ZDHHC15: variants seen among roughly 807,000 people sequenced by gnomAD.
ZDHHC15 encodes the protein palmitoyltransferase ZDHHC15.
In ZDHHC15, 19 loss-of-function variants were observed where a neutral mutation model predicts 31.7. That is an observed-to-expected ratio of 0.60 (90% CI 0.42 to 0.88). ZDHHC15 has a LOEUF of 0.88. Ranked by LOEUF, ZDHHC15 falls within the 40% of genes least tolerant of loss-of-function variation. ZDHHC15 has a pLI of 0.00. For synonymous variants in ZDHHC15, 103 were observed against 90.0 expected, an observed-to-expected ratio of 1.14 and a Z score of -0.82; for missense variants, 209 against 251.2, an observed-to-expected ratio of 0.83 and a Z score of 1.14.
chrX:75,500,529 T>C (rs1045678307), intron 2 of ZDHHC15, among the ~76,000 whole-genome samples: 2 of 109,310 alleles, frequency 1.8e-5, no homozygotes, highest in Non-Finnish European at 3.8e-5. Flanking sequence ...CAAATACAAA[T>C]AAAACTAAAT....
chrX:75,386,587 C>T (rs1434942320), intron 10 of ZDHHC15, among the ~76,000 whole-genome samples: 2 of 110,744 alleles, frequency 1.8e-5, no homozygotes, highest in Non-Finnish European at 3.8e-5. Flanking sequence ...GATCCTCCCA[C>T]CTCTCAGCCT....
At chrX:75,489,922 C>A (rs1007078619) in intron 2 of ZDHHC15, among the ~76,000 whole-genome samples, 4 of 112,084 alleles carry the variant, frequency 3.6e-5, no homozygotes, top group African/African-American at 6.5e-5. Flanking sequence ...AAAAACAAGG[C>A]ACAAGAACTA....
intron 2 of ZDHHC15, among the ~76,000 whole-genome samples, chrX:75,500,231 T>C: frequency 9.2e-6 from 1 of 108,997 alleles, no homozygotes; most frequent in East Asian, 2.9e-4. Flanking sequence ...TACTTATCCA[T>C]GTAATCAAAC....
intron 3 of ZDHHC15, among the ~76,000 whole-genome samples, chrX:75,454,563 A>G (rs1342582306): frequency 1.8e-5 from 2 of 111,380 alleles, no homozygotes; most frequent in East Asian, 5.7e-4. Context: ...GTGTAAAAGC[A>G]TTCCTATTTC....
chrX:75,440,307 T>G (rs768953055), intron 4 of ZDHHC15, among the ~76,000 whole-genome samples: 1 of 109,518 alleles, frequency 9.1e-6, no homozygotes, highest in Admixed American at 9.8e-5. Context: ...GGAGATGGAG[T>G]CTTGCTCTGT....
intron 4 of ZDHHC15, among the ~76,000 whole-genome samples, chrX:75,450,412 T>A (rs951893142): frequency 1.8e-5 from 2 of 111,755 alleles, no homozygotes; most frequent in Non-Finnish European, 3.8e-5. Context: ...TTATGCATGT[T>A]TTTGTATGTA....
At chrX:75,482,578 C>T (rs1042662201) in intron 2 of ZDHHC15, among the ~76,000 whole-genome samples, 2 of 111,547 alleles carry the variant, frequency 1.8e-5, no homozygotes, top group African/African-American at 6.5e-5. Flanking sequence ...GTTAGATTAT[C>T]AGTCTATACC....
At chrX:75,497,730 C>T (rs1319154998) in intron 2 of ZDHHC15, among the ~76,000 whole-genome samples, 1 of 111,013 alleles carries the variant, frequency 9.0e-6, no homozygotes, top group African/African-American at 3.3e-5. Context: ...AATAATAATA[C>T]GATTATCTCA....
chrX:75,424,777 A>G lies in ZDHHC15; in HGVS notation c.611T>C (p.Leu204Ser), dbSNP rs2147852797. ...SYFIKYWRGELPSVRSKFHVL... is the reference protein window; with the variant it reads ...SYFIKYWRGESPSVRSKFHVL... The stretch of plus-strand genomic sequence containing the variant: ...ATGGAACTTAGAGCGAACACTGGGT[A>G]ATTCCCCCTAGAAAAGAAATAATAA... The change falls in exon 8 of 12, where the codon TTA becomes TCA. Residue 204 changes from leucine (L) to serine (S), a missense_variant. Coordinates refer to ENST00000373367, the MANE Select transcript of ZDHHC15 (RefSeq NM_144969.3). The G allele has an allele frequency of 8.4e-7, 1 of 1,186,663 alleles. No homozygotes were observed. The highest frequency in any genetic ancestry group is 1.1e-6 in the Non-Finnish European group (1 of 885,897).
intron 3 of ZDHHC15, among the ~76,000 whole-genome samples, chrX:75,476,976 T>C (rs1167359646): frequency 9.0e-6 from 1 of 111,325 alleles, no homozygotes; most frequent in Non-Finnish European, 1.9e-5. Flanking sequence ...AGTCAGACTA[T>C]TTTGAAATTT....
At chrX:75,480,442 T>A (rs2084671627) in intron 2 of ZDHHC15, among the ~76,000 whole-genome samples, 1 of 111,322 alleles carries the variant, frequency 9.0e-6, no homozygotes, top group African/African-American at 3.3e-5. Context: ...TTAACATTTT[T>A]AATTGTATCT....
intron 3 of ZDHHC15, among the ~76,000 whole-genome samples, chrX:75,467,427 C>T (rs1299617398): frequency 2.7e-5 from 3 of 111,894 alleles, no homozygotes; most frequent in Non-Finnish European, 5.6e-5. Context: ...AATTCTGGCA[C>T]TAACAAGCCT....
chrX:75,465,731 T>A (rs2084393049), intron 3 of ZDHHC15, among the ~76,000 whole-genome samples: 2 of 110,904 alleles, frequency 1.8e-5, no homozygotes, highest in South Asian at 7.6e-4. Context: ...ATGCTGGGAG[T>A]GCTGCCTAGC....
At chrX:75,485,992 T>C (rs779201419) in intron 2 of ZDHHC15, among the ~76,000 whole-genome samples, 8 of 111,491 alleles carry the variant, frequency 7.2e-5, no homozygotes, top group East Asian at 2.8e-4. Context: ...GTGACTCACA[T>C]GGTGAACTTT....
chrX:75,394,179 A>G (rs759672298), intron 10 of ZDHHC15, among the ~76,000 whole-genome samples: 12 of 111,743 alleles, frequency 1.1e-4, no homozygotes, highest in African/African-American at 3.9e-4. Context: ...GTTACTGCAA[A>G]TCAAAAAACA....
chrX:75,377,229 G>A (rs1036086622), intron 11 of ZDHHC15, among the ~76,000 whole-genome samples: 5 of 110,887 alleles, frequency 4.5e-5, no homozygotes, highest in Non-Finnish European at 9.4e-5. Context: ...TATGAGGCCC[G>A]GCACGGTGGC....
chrX:75,517,813 T>G (rs1036573670), intron 1 of ZDHHC15, among the ~76,000 whole-genome samples: 13 of 109,826 alleles, frequency 1.2e-4, no homozygotes, highest in Middle Eastern at 4.8e-3. Flanking sequence ...ATGGCTAAAA[T>G]ACCTAAAGGT....
intron 1 of ZDHHC15, among the ~76,000 whole-genome samples, chrX:75,508,087 C>G (rs2085196081): frequency 9.0e-6 from 1 of 110,687 alleles, no homozygotes; most frequent in African/African-American, 3.3e-5. Context: ...TAAAGAATGC[C>G]AAGTGAACTT....
chrX:75,506,637 A>G (rs965205313), intron 1 of ZDHHC15, among the ~76,000 whole-genome samples: 5 of 111,876 alleles, frequency 4.5e-5, no homozygotes, highest in Admixed American at 3.8e-4. Flanking sequence ...AGAATGCTTG[A>G]AAGAGGCACA....
Sources: gnomAD v4.1 joint callset for allele counts (sites outside exome capture counted in the v4.1 genomes callset) on GRCh38, gnomAD v4.1.1 for gene constraint, MANE v1.5 for transcripts, NCBI Gene and HGNC (gene_info 2026-07-23, HGNC 2026-07-21) for gene names.